The following RIMBP2 variants were observed in gnomAD, a reference collection of about 807,000 sequenced individuals.
RIMBP2 encodes RIMS binding protein 2.
Under a neutral mutation model 118.6 loss-of-function variants are expected in RIMBP2, and 48 were observed. The observed-to-expected ratio is 0.40, with a 90% CI of 0.32 to 0.51. RIMBP2 has a LOEUF of 0.51. Among genes scored for constraint, RIMBP2 ranks in the 20% least tolerant of loss-of-function variants. The pLI is 0.41. For missense variants in RIMBP2, 1,551 were observed against 1,768.3 expected (o/e 0.88, Z 2.20); for synonymous variants, 762 against 742.9 (o/e 1.03, Z -0.42).
In RIMBP2 at chr12:130,399,751, G is replaced by A. The variant is rs757896649; in HGVS notation, c.3828C>T (p.Asp1276=). Residue 1276 remains aspartate (D), a synonymous_variant, in exon 22 of 23, where the codon GAC becomes GAT. Transcript: ENST00000690449. ...GAGCATCAGAAAGATAGACTTCTAC[G>A]TCATCAGGCACTTCTTCCAAGAAGT... ...PSNFLEEVPD[D]VEVYLSDAPS... The A allele has an allele frequency of 4.0e-5, 64 of 1,614,114 alleles. No individual in the cohort carries two copies. The highest frequency in any genetic ancestry group is 1.4e-4 in the South Asian group (13 of 91,084).
chr12:130,566,201 T>A (rs920584000), intron 2 of RIMBP2, among the ~76,000 whole-genome samples: 7 of 148,174 alleles, frequency 4.7e-5, no homozygotes, highest in African/African-American at 1.0e-4. Flanking sequence ...ACACACACAC[T>A]CACTCAACAG....
At chr12:130,459,848 C>T (rs889756252) in intron 6 of RIMBP2, among the ~76,000 whole-genome samples, 1 of 152,106 alleles carries the variant, frequency 6.6e-6, no homozygotes, top group Non-Finnish European at 1.5e-5. Flanking sequence ...GTCCCCAGGG[C>T]CTGGCAGGGC....
intron 7 of RIMBP2, 121 bp from the exon 8 acceptor site, chr12:130,451,461 T>C: frequency 9.0e-7 from 1 of 1,110,086 alleles, no homozygotes. Flanking sequence ...GATTTTCATT[T>C]TGGGGTCCAC....
At chr12:130,403,349 C>T (rs2074836459) in intron 21 of RIMBP2, among the ~76,000 whole-genome samples, 1 of 151,924 alleles carries the variant, frequency 6.6e-6, no homozygotes, top group African/African-American at 2.4e-5. Flanking sequence ...GATCTGATTC[C>T]CACTATAATA....
At chr12:130,641,802 C>A (rs968100080) in intron 1 of RIMBP2, among the ~76,000 whole-genome samples, 6 of 152,182 alleles carry the variant, frequency 3.9e-5, no homozygotes, top group Admixed American at 3.9e-4. Flanking sequence ...ACAGAGTGGT[C>A]AACACAGCAA....
intron 4 of RIMBP2, among the ~76,000 whole-genome samples, chr12:130,482,710 G>A (rs914757810): frequency 2.0e-5 from 3 of 152,024 alleles, no homozygotes; most frequent in South Asian, 2.1e-4. Flanking sequence ...ACATTCTGCA[G>A]GGGAGGGGGC....
intron 6 of RIMBP2, among the ~76,000 whole-genome samples, chr12:130,464,169 T>C (rs1011470673): frequency 2.0e-5 from 3 of 152,220 alleles, no homozygotes; most frequent in East Asian, 1.9e-4. Flanking sequence ...GCTCTGCCTA[T>C]GGAGTGGCCA....
intron 2 of RIMBP2, among the ~76,000 whole-genome samples, chr12:130,603,614 C>A (rs532865074): frequency 2.6e-5 from 4 of 152,142 alleles, no homozygotes; most frequent in African/African-American, 9.7e-5. Flanking sequence ...CTTGCAGTCA[C>A]GAGCTGAGGA....
intron 2 of RIMBP2, among the ~76,000 whole-genome samples, chr12:130,557,933 C>G (rs1482689887): frequency 6.6e-6 from 1 of 152,120 alleles, no homozygotes; most frequent in Non-Finnish European, 1.5e-5. Context: ...CTCCTGGCTC[C>G]TGCGACCCCG....
rs1278771216 is a variant in RIMBP2 at position 130,621,366 on chromosome 12, C to T, written c.-217+6956G>A. On this transcript the variant is annotated intron_variant, in intron 2 of 22. Coordinates refer to ENST00000690449, the MANE Select transcript of RIMBP2 (RefSeq NM_001393629.1). The surrounding 1 kb of genome is among the most constrained non-coding windows in gnomAD (Gnocchi z 6.6). ...GCCAGGCCTGTGAACTCCAAGTGCACCATTAAGGGACTCTGATTAAAGACT... is the reference window on the plus strand; with the variant it reads ...GCCAGGCCTGTGAACTCCAAGTGCATCATTAAGGGACTCTGATTAAAGACT... Among the ~76,000 whole-genome samples, 1 of 152,088 alleles carries T rather than the reference C, an allele frequency of 6.6e-6. No individual in the cohort carries two copies. The highest frequency in any genetic ancestry group is 1.5e-5 in the Non-Finnish European group (1 of 68,022).
chr12:130,566,847 T>G (rs1409378117), intron 2 of RIMBP2, among the ~76,000 whole-genome samples: 1 of 152,246 alleles, frequency 6.6e-6, no homozygotes, highest in East Asian at 1.9e-4. Flanking sequence ...ACACAATAAC[T>G]AAGCAATACC....
At chr12:130,636,324 C>T (rs542051159) in intron 1 of RIMBP2, among the ~76,000 whole-genome samples, 1 of 152,300 alleles carries the variant, frequency 6.6e-6, no homozygotes, top group South Asian at 2.1e-4. Flanking sequence ...TTCCTAATTT[C>T]CTAACTACCT....
intron 2 of RIMBP2, among the ~76,000 whole-genome samples, chr12:130,602,657 A>G (rs904303371): frequency 7.2e-5 from 11 of 152,158 alleles, no homozygotes; most frequent in Non-Finnish European, 1.6e-4. Flanking sequence ...TCATTGTCTG[A>G]TGCGTAAGTA....
At position 130,424,282 on chromosome 12, in the gene RIMBP2, G is replaced by T. The variant is rs941904863; in HGVS notation, c.2989C>A (p.Pro997Thr). The T allele has an allele frequency of 6.5e-6, 8 of 1,231,544 alleles. No homozygotes were observed. In the African/African-American group the frequency reaches 1.2e-4, roughly 19 times the overall value. The allele number at this position is 1,231,544 out of a possible 1,614,324, so 76.3% of individuals were successfully genotyped here. A position where few individuals can be genotyped will look rare whatever the true frequency, so the allele number is the denominator to read the frequency against. The change falls in exon 16 of 23, where the codon CCC becomes ACC. Residue 997 changes from proline to threonine, a missense_variant. Physicochemically the swap from Pro to Thr is conservative, Grantham distance 38. This residue lies in a region of RIMBP2 where 1,038 missense variants were observed against 1,125.1 expected (regional missense o/e 0.92). Transcript: ENST00000690449. This position sits in a 1 kb window ranked among gnomAD's most constrained non-coding sequence, Gnocchi z 9.8. ...TCGCCCCAGCCGTGCTTCCTGGGGG[G>T]CGGCCTCTCCGGGCCGGGCTGGGGG... ...DDPQPGPERP[P>T]PRKHGWGEPT...
intron 4 of RIMBP2, among the ~76,000 whole-genome samples, chr12:130,482,701 C>CAT (rs2082113580): frequency 6.6e-6 from 1 of 151,900 alleles, no homozygotes; most frequent in Non-Finnish European, 1.5e-5. Context: ...TTGGAGCTCA[C>CAT]ATTCTGCAGG....
At chr12:130,599,462 A>T (rs2059745889) in intron 2 of RIMBP2, among the ~76,000 whole-genome samples, 1 of 152,240 alleles carries the variant, frequency 6.6e-6, no homozygotes, top group Admixed American at 6.5e-5. Context: ...TGATTTGAAA[A>T]ACACTTCACC....
At chr12:130,701,559 TGG>T (rs1034633598) in intron 1 of RIMBP2, among the ~76,000 whole-genome samples, 18 of 151,962 alleles carry the variant, frequency 1.2e-4, no homozygotes, top group African/African-American at 3.6e-4. Context: ...CGTCTGAACA[TGG>T]GGTGAAAAGT....
At chr12:130,454,406 G>A (rs2079243430) in intron 7 of RIMBP2, among the ~76,000 whole-genome samples, 1 of 152,268 alleles carries the variant, frequency 6.6e-6, no homozygotes, top group Non-Finnish European at 1.5e-5. Flanking sequence ...TCTGCAGGGA[G>A]GAGTGTCCTG....
intron 11 of RIMBP2, among the ~76,000 whole-genome samples, chr12:130,441,231 T>C (rs1346300254): frequency 6.6e-6 from 1 of 151,820 alleles, no homozygotes; most frequent in Non-Finnish European, 1.5e-5. Flanking sequence ...TGAAACCCTG[T>C]CTCTACTAAA....
Sources: allele counts gnomAD v4.1 joint callset (sites outside exome capture counted in the v4.1 genomes callset), GRCh38; gene constraint gnomAD v4.1.1; regional missense constraint gnomAD v4.1.1; non-coding constraint Gnocchi (gnomAD v3.1); transcripts MANE v1.5; gene names NCBI Gene and HGNC (gene_info 2026-07-23, HGNC 2026-07-21).